CHCT1: variants seen among roughly 807,000 people sequenced by gnomAD.
CHCT1 encodes CHD1 helical C-terminal domain containing protein 1.
At chr17:60,421,266 A>G in the CHCT1 span, 3 of 741,276 alleles carry the variant, frequency 4.0e-6, no homozygotes, top group African/African-American at 5.7e-5. Context: ...AACGACAACA[A>G]TAACAACAAG....
At chr17:60,429,986 G>A in the CHCT1 span, among the ~76,000 whole-genome samples, 1 of 151,670 alleles carries the variant, frequency 6.6e-6, no homozygotes, top group Non-Finnish European at 1.5e-5. Flanking sequence ...CACCATGCCT[G>A]GCTAATTTTT....
At chr17:60,422,299 C>A in the CHCT1 span, 1 of 493,836 alleles carries the variant, frequency 2.0e-6, no homozygotes, top group Non-Finnish European at 3.4e-6. Flanking sequence ...GGGGCGCCAG[C>A]CTCTCCTGGC....
At chr17:60,424,884 T>C in the CHCT1 span, among the ~76,000 whole-genome samples, 1 of 151,762 alleles carries the variant, frequency 6.6e-6, no homozygotes, top group Non-Finnish European at 1.5e-5. Flanking sequence ...AGGAATTCCA[T>C]AGACCCTGTT....
the CHCT1 span, chr17:60,429,318 C>T: frequency 6.3e-7 from 1 of 1,577,934 alleles, no homozygotes; most frequent in Non-Finnish European, 8.7e-7. Context: ...AGTTCAGGTC[C>T]CCCTCTTCTC....
At chr17:60,428,866 A>AT in the CHCT1 span, among the ~76,000 whole-genome samples, 129 of 146,146 alleles carry the variant, frequency 8.8e-4, no homozygotes, top group East Asian at 2.6e-3. Flanking sequence ...TAAAATTTTT[A>AT]TTTTTTTTTT....
chr17:60,425,958 G>A, the CHCT1 span: 15 of 1,380,934 alleles, frequency 1.1e-5, no homozygotes, highest in Non-Finnish European at 1.5e-5. Flanking sequence ...GGAAATGGCA[G>A]GCCTCAGACC....
the CHCT1 span, chr17:60,426,710 C>A: frequency 6.2e-7 from 1 of 1,608,184 alleles, no homozygotes; most frequent in East Asian, 2.2e-5. Context: ...GGGTCTCCCC[C>A]TTTGCAGGAT....
chr17:60,422,498 A>G, the CHCT1 span: 9 of 1,538,266 alleles, frequency 5.9e-6, no homozygotes, highest in South Asian at 2.4e-5. Context: ...CAAACCGCCC[A>G]CTCCCTGAGA....
At chr17:60,427,214 C>G in the CHCT1 span, among the ~76,000 whole-genome samples, 7 of 152,278 alleles carry the variant, frequency 4.6e-5, no homozygotes, top group African/African-American at 1.7e-4. Context: ...ACAGGGGCAG[C>G]TCTGAGCTCA....
the CHCT1 span, chr17:60,421,405 G>C: frequency 1.0e-6 from 1 of 985,680 alleles, no homozygotes; most frequent in Non-Finnish European, 1.2e-6. Context: ...CTGTGCCCGA[G>C]GTGGCCGCTG....
the CHCT1 span, chr17:60,422,042 G>A: frequency 2.6e-6 from 2 of 762,204 alleles, no homozygotes; most frequent in East Asian, 1.3e-4. Flanking sequence ...AGCACGGAGG[G>A]CTTATTATTA....
chr17:60,431,309 G>A, the CHCT1 span: 1 of 1,428,688 alleles, frequency 7.0e-7, no homozygotes, highest in Non-Finnish European at 9.7e-7. Flanking sequence ...CTGGCTCTCA[G>A]AGCACGGGGA....
chr17:60,427,923 T>C, the CHCT1 span, among the ~76,000 whole-genome samples: 4 of 152,134 alleles, frequency 2.6e-5, no homozygotes, highest in South Asian at 6.2e-4. Context: ...TGTCATATCG[T>C]CGGGATCATA....
chr17:60,428,702 G>T, the CHCT1 span, among the ~76,000 whole-genome samples: 1 of 151,770 alleles, frequency 6.6e-6, no homozygotes, highest in African/African-American at 2.4e-5. Context: ...GGCCAGGCTG[G>T]TCTTGAACTC....
At chr17:60,425,424 T>C in the CHCT1 span, among the ~76,000 whole-genome samples, 2 of 152,216 alleles carry the variant, frequency 1.3e-5, no homozygotes, top group Admixed American at 6.5e-5. Flanking sequence ...GCTGTCTCTA[T>C]ATATTGGACT....
chr17:60,422,567 TG>T, the CHCT1 span: 1 of 1,549,082 alleles, frequency 6.5e-7, no homozygotes, highest in Middle Eastern at 2.0e-4. Flanking sequence ...AGTGCCACCC[TG>T]GAGCCTACCG....
At chr17:60,430,122 CTTTTTTTTTTTTTT>C in the CHCT1 span, among the ~76,000 whole-genome samples, 9 of 64,318 alleles carry the variant, frequency 1.4e-4, no homozygotes, top group Non-Finnish European at 2.8e-4. Context: ...ACGCACCTGG[CTTTTTTTTTTTTTT>C]TTTTTTTTTT....
At chr17:60,425,769 C>T in the CHCT1 span, 5 of 1,542,388 alleles carry the variant, frequency 3.2e-6, no homozygotes, top group Non-Finnish European at 4.4e-6. Flanking sequence ...TTAGTGCCCC[C>T]TGCCTCCTCC....
chr17:60,422,734 A>G, the CHCT1 span: 1 of 1,349,632 alleles, frequency 7.4e-7, no homozygotes, highest in Non-Finnish European at 1.0e-6. Flanking sequence ...AAAGAAGAGA[A>G]GAACAATGAT....
Sources: gnomAD v4.1 joint callset for allele counts (sites outside exome capture counted in the v4.1 genomes callset) on GRCh38, gnomAD v4.1.1 for gene constraint, MANE v1.5 for transcripts, NCBI Gene and HGNC (gene_info 2026-07-23, HGNC 2026-07-21) for gene names.